Variants in RPS6KC1 observed in about 807,000 individuals in gnomAD.
The protein encoded by RPS6KC1 is inactive ribosomal protein S6 kinase delta-1.
Under a neutral mutation model 103.8 loss-of-function variants are expected in RPS6KC1, and 54 were observed. The observed-to-expected ratio is 0.52, with a 90% CI of 0.42 to 0.65. The LOEUF (loss-of-function observed/expected upper bound fraction) is 0.65. RPS6KC1 is among the 30% of genes least tolerant of loss of function. The pLI is 0.00. For missense variants in RPS6KC1, 1,151 were observed against 1,253.8 expected (o/e 0.92, Z 1.24); for synonymous variants, 439 against 438.7 (o/e 1.00, Z -0.01).
the RPS6KC1 span, among the ~76,000 whole-genome samples, chr1:213,536,153 A>C: frequency 6.6e-6 from 1 of 152,312 alleles, no homozygotes; most frequent in South Asian, 2.1e-4. Flanking sequence ...GTTCCTATCA[A>C]GTTCAGGGTT....
chr1:213,579,803 G>A, the RPS6KC1 span, among the ~76,000 whole-genome samples: 1 of 151,998 alleles, frequency 6.6e-6, no homozygotes, highest in Non-Finnish European at 1.5e-5. Flanking sequence ...CTGGATGACA[G>A]CACATCTATT....
intron 14 of RPS6KC1, among the ~76,000 whole-genome samples, chr1:213,265,222 A>G (rs886204649): frequency 1.3e-5 from 2 of 152,222 alleles, no homozygotes; most frequent in Admixed American, 1.3e-4. Flanking sequence ...GAGGTGTGCT[A>G]TAGCCTTTAA....
intron 3 of RPS6KC1, 77 bp downstream of exon 3, chr1:213,077,893 C>A: frequency 2.7e-6 from 2 of 733,806 alleles, no homozygotes; most frequent in Non-Finnish European, 4.0e-6. Context: ...CATAACTACA[C>A]TATGAAGTCA....
chr1:213,540,608 C>A, the RPS6KC1 span, among the ~76,000 whole-genome samples: 1 of 152,184 alleles, frequency 6.6e-6, no homozygotes, highest in African/African-American at 2.4e-5. Context: ...ACCTCAGCTT[C>A]CTAAAGTGTT....
At chr1:213,297,147 C>CA in the RPS6KC1 span, among the ~76,000 whole-genome samples, 1 of 152,152 alleles carries the variant, frequency 6.6e-6, no homozygotes, top group Non-Finnish European at 1.5e-5. Flanking sequence ...TGGGCAGGAC[C>CA]ACACCTCCTT....
chr1:213,655,425 C>T, the RPS6KC1 span, among the ~76,000 whole-genome samples: 6 of 152,186 alleles, frequency 3.9e-5, no homozygotes, highest in Non-Finnish European at 7.3e-5. Flanking sequence ...ACCTTGTGTT[C>T]GGACATCCAA....
chr1:213,576,371 GT>G, the RPS6KC1 span, among the ~76,000 whole-genome samples: 7,186 of 140,048 alleles, frequency 0.051, 207 homozygotes, highest in East Asian at 0.13. Flanking sequence ...GATACTGTGG[GT>G]TTTTTTTTTT....
At chr1:213,060,765 T>C (rs777072704) in intron 1 of RPS6KC1, among the ~76,000 whole-genome samples, 9 of 152,218 alleles carry the variant, frequency 5.9e-5, no homozygotes, top group Non-Finnish European at 1.0e-4. Flanking sequence ...AAAATAACTT[T>C]AGCAAACATA....
the RPS6KC1 span, among the ~76,000 whole-genome samples, chr1:213,756,089 C>G: frequency 6.6e-6 from 1 of 152,144 alleles, no homozygotes; most frequent in Non-Finnish European, 1.5e-5. Flanking sequence ...GTGGGGTGGC[C>G]CTAGAAGAGG....
chr1:213,816,586 G>T, the RPS6KC1 span, among the ~76,000 whole-genome samples: 10 of 151,946 alleles, frequency 6.6e-5, no homozygotes, highest in African/African-American at 2.2e-4. Context: ...GCCGCTCGTG[G>T]GTAGATCTGT....
At chr1:213,386,547 G>A in the RPS6KC1 span, among the ~76,000 whole-genome samples, 1 of 152,128 alleles carries the variant, frequency 6.6e-6, no homozygotes, top group Non-Finnish European at 1.5e-5. Context: ...CTGTGTTTAC[G>A]GCTGACTCAC....
chr1:213,772,674 A>G, the RPS6KC1 span, among the ~76,000 whole-genome samples: 1 of 137,636 alleles, frequency 7.3e-6, no homozygotes, highest in South Asian at 2.4e-4. Flanking sequence ...ACGGTTGGGC[A>G]CCAGCTCCTG....
At position 213,232,106 on chromosome 1, in the gene RPS6KC1, T is replaced by G. The variant is rs1469699648; in HGVS notation, c.1093-17T>G. ...GATGCAACTGAGGATACAACTGACCTTTTTGTTCTCTGTCAGGGTCTAAGG... is the reference window on the plus strand; with the variant it reads ...GATGCAACTGAGGATACAACTGACCGTTTTGTTCTCTGTCAGGGTCTAAGG... On this transcript the variant is annotated splice_polypyrimidine_tract_variant and intron_variant, in intron 9 of 14. Transcript: ENST00000366960. 3.1e-6 allele frequency: 5 copies of G among 1,612,848 alleles called. No homozygotes were observed. The highest frequency in any genetic ancestry group is 4.2e-6 in the Non-Finnish European group (5 of 1,179,426).
chr1:213,631,998 A>G, the RPS6KC1 span, among the ~76,000 whole-genome samples: 1 of 152,196 alleles, frequency 6.6e-6, no homozygotes, highest in Non-Finnish European at 1.5e-5. Context: ...CATAAATGGA[A>G]TCATACAGTA....
chr1:213,529,958 C>A, the RPS6KC1 span, among the ~76,000 whole-genome samples: 1 of 152,090 alleles, frequency 6.6e-6, no homozygotes, highest in East Asian at 1.9e-4. Flanking sequence ...CCTCTTAGAG[C>A]TTTGGGGGCC....
the RPS6KC1 span, among the ~76,000 whole-genome samples, chr1:213,744,059 A>G: frequency 1.3e-5 from 2 of 152,156 alleles, no homozygotes; most frequent in Non-Finnish European, 2.9e-5. Context: ...GTTCTCACTT[A>G]TAAGTGGGAG....
In RPS6KC1 at chr1:213,156,936, C is replaced by T. The variant is rs898201093; in HGVS notation, c.836-10922C>T. On this transcript the variant is annotated intron_variant, in intron 6 of 14. Transcript: ENST00000366960. ...TCTATTTTCTGTTTCATTTTTTTCTCCTTTCACTGTTTTATATGGTTTGCT... is the reference window on the plus strand; with the variant it reads ...TCTATTTTCTGTTTCATTTTTTTCTTCTTTCACTGTTTTATATGGTTTGCT... 5.9e-5 allele frequency among the ~76,000 whole-genome samples: 9 copies of T among 151,802 alleles called. No homozygotes were observed. In the East Asian group the frequency reaches 1.7e-3, roughly 29 times the overall value.
chr1:213,243,453 A>G (rs61832474), intron 12 of RPS6KC1, among the ~76,000 whole-genome samples: 1,808 of 152,286 alleles, frequency 0.012, 11 homozygotes, highest in East Asian at 0.025. Flanking sequence ...ATATGATTTT[A>G]GTGATGTGCC....
chr1:213,261,637 CAAGG>C lies in RPS6KC1; in HGVS notation c.2992_2994+1del. The C allele has an allele frequency of 6.2e-7, 1 of 1,612,984 alleles. No individual in the cohort carries two copies. Among genetic ancestry groups the C allele is most frequent in the East Asian group, 2.2e-5 (1 of 44,862 alleles). On this transcript the variant is annotated splice_donor_variant and coding_sequence_variant, in exon 13 of 15. Transcript: ENST00000366960. LOFTEE classifies it high-confidence loss of function. The stretch of plus-strand genomic sequence containing the variant: ...CTGTCCTCTTTGAACTTCTCACTGG[CAAGG>C]TAAGCAGTGGCCTGGACGTTTAATA...
Sources: gnomAD v4.1 joint callset for allele counts (sites outside exome capture counted in the v4.1 genomes callset) on GRCh38, gnomAD v4.1.1 for gene constraint, MANE v1.5 for transcripts, NCBI Gene and HGNC (gene_info 2026-07-23, HGNC 2026-07-21) for gene names.